The following CABIN1 variants were observed in gnomAD, a reference collection of about 807,000 sequenced individuals.
The protein encoded by CABIN1 is calcineurin-binding protein cabin-1.
In CABIN1, 133 loss-of-function variants were observed where a neutral mutation model predicts 227.7. That is an observed-to-expected ratio of 0.58 (90% confidence interval 0.51 to 0.67). The LOEUF (loss-of-function observed/expected upper bound fraction) is 0.67, where lower values mean the gene tolerates loss of function less well. CABIN1 is among the 30% of genes least tolerant of loss of function. The pLI is 0.00. For missense variants in CABIN1, 2,408 were observed against 2,852.5 expected, an observed-to-expected ratio of 0.84 and a Z score of 3.55; for synonymous variants, 1,086 against 1,155.1, an observed-to-expected ratio of 0.94 and a Z score of 1.21.
intron 27 of CABIN1, among the ~76,000 whole-genome samples, chr22:24,118,435 T>TGCCCCAGCAG (rs2043207940): frequency 6.6e-6 from 1 of 152,118 alleles, no homozygotes. Flanking sequence ...GACTCGGCCC[T>TGCCCCAGCAG]GCCCCAGCAG....
chr22:24,142,924 G>T (rs533371032), intron 29 of CABIN1, among the ~76,000 whole-genome samples: 3 of 152,104 alleles, frequency 2.0e-5, no homozygotes, highest in African/African-American at 7.2e-5. Context: ...CTCAGGACCA[G>T]TTGTGACCAA....
intron 1 of CABIN1, among the ~76,000 whole-genome samples, chr22:24,023,159 ATATGGCCTATTT>A (rs1234696413): frequency 6.6e-6 from 1 of 152,188 alleles, no homozygotes; most frequent in African/African-American, 2.4e-5. Flanking sequence ...GTACTTTTGT[ATATGGCCTATTT>A]TACTTAACAT....
intron 29 of CABIN1, among the ~76,000 whole-genome samples, chr22:24,158,732 G>A (rs565453512): frequency 2.0e-5 from 3 of 152,184 alleles, no homozygotes; most frequent in African/African-American, 7.2e-5. Context: ...TGCTCTCCTA[G>A]CCCATTACTT....
At chr22:24,084,499 C>G in intron 20 of CABIN1, 80 bp from the exon 21 acceptor site, 1 of 1,103,174 alleles carries the variant, frequency 9.1e-7, no homozygotes, top group Non-Finnish European at 1.4e-6. Flanking sequence ...GGACAAAGTG[C>G]GTTTCTATGG....
intron 29 of CABIN1, among the ~76,000 whole-genome samples, chr22:24,157,208 T>C (rs986937905): frequency 6.6e-6 from 1 of 152,152 alleles, no homozygotes; most frequent in African/African-American, 2.4e-5. Context: ...CAACCTGGCC[T>C]GCTTCTGGGG....
chr22:24,044,128 C>G (rs1297667078), intron 6 of CABIN1, among the ~76,000 whole-genome samples: 1 of 152,108 alleles, frequency 6.6e-6, no homozygotes, highest in Non-Finnish European at 1.5e-5. Flanking sequence ...GGCAAGGGCT[C>G]TACCCCTAAG....
rs754547522 is a variant in CABIN1 at position 24,067,068 on chromosome 22, G to A, written c.2119G>A (p.Ala707Thr). The A allele has an allele frequency of 4.3e-6, 7 of 1,614,190 alleles. No individual in the cohort carries two copies. The highest frequency in any genetic ancestry group is 5.9e-6 in the Non-Finnish European group (7 of 1,180,036). The change falls in exon 16 of 37, where the codon GCT (alanine) becomes ACT (threonine). Residue 707 changes from alanine (A) to threonine (T), a missense_variant. Physicochemically the swap from Ala to Thr is moderately conservative, Grantham distance 58. Around this residue, in one of 3 missense-constraint regions of CABIN1, gnomAD observed 1,045 missense variants for 1,168.4 expected, o/e 0.89. Transcript: ENST00000263119. ...QRLYEAGDYK[A>T]VVHLLRPTLC... ...GCTGTATGAAGCAGGCGACTACAAG[G>A]CTGTTGTGCATCTGCTCCGCCCCAC...
chr22:24,118,992 G>A (rs981499362), intron 27 of CABIN1, among the ~76,000 whole-genome samples: 2 of 152,252 alleles, frequency 1.3e-5, no homozygotes, highest in Admixed American at 1.3e-4. Flanking sequence ...TGTTTTATGC[G>A]ATGCTGGTGG....
chr22:24,100,543 C>CA (rs2147452613), intron 26 of CABIN1, among the ~76,000 whole-genome samples: 1 of 152,338 alleles, frequency 6.6e-6, no homozygotes, highest in Admixed American at 6.5e-5. Context: ...AGTTTCCACT[C>CA]AGCTTCTTGG....
Position 24,055,152 on chromosome 22 carries a change from T to C in CABIN1, c.1086T>C (p.Ala362=). ...LHSPGLLETG[A]PVGDISGGDK... Reference sequence around the variant, plus strand: ...GTCCTGGTCTGTTGGAGACAGGCGCTCCTGTGGGTAAGCAGGCCCCCTGAA... The same window carrying C: ...GTCCTGGTCTGTTGGAGACAGGCGCCCCTGTGGGTAAGCAGGCCCCCTGAA... Residue 362 remains alanine, a synonymous_variant, in exon 9 of 37, where the codon GCT becomes GCC. Transcript: ENST00000263119. 4 of 1,611,292 alleles carry C rather than the reference T, an allele frequency of 2.5e-6. No individual in the cohort carries two copies. Among genetic ancestry groups the C allele is most frequent in the Non-Finnish European group, 3.4e-6 (4 of 1,180,022 alleles).
chr22:24,025,395 G>A (rs971219246), intron 1 of CABIN1, among the ~76,000 whole-genome samples: 2 of 152,004 alleles, frequency 1.3e-5, no homozygotes, highest in African/African-American at 4.8e-5. Context: ...TGAAAACATC[G>A]ATAGCCTGAG....
At chr22:24,088,819 G>A (rs1016715624) in intron 23 of CABIN1, among the ~76,000 whole-genome samples, 1 of 152,150 alleles carries the variant, frequency 6.6e-6, no homozygotes, top group African/African-American at 2.4e-5. Context: ...CTATCACACT[G>A]TGTATGGTAC....
chr22:24,107,115 C>G (rs1389100649), intron 26 of CABIN1, among the ~76,000 whole-genome samples: 3 of 152,136 alleles, frequency 2.0e-5, no homozygotes, highest in African/African-American at 7.2e-5. Flanking sequence ...GCACCTCCCC[C>G]ACCTGCTTGC....
chr22:24,061,018 A>G (rs896553041), intron 12 of CABIN1, among the ~76,000 whole-genome samples: 2 of 152,214 alleles, frequency 1.3e-5, no homozygotes, highest in African/African-American at 4.8e-5. Flanking sequence ...CCTGGGCTCA[A>G]GTGATCCTGA....
In CABIN1 at chr22:24,037,301, G is replaced by A. The variant is rs117424627; in HGVS notation, c.97-1047G>A. ...AAAGAAAAGAAAACAATGGAAACCA[G>A]CTTTTGTTTGTTTATTTAAGAGATA... is the stretch of plus-strand genomic sequence containing the variant. On this transcript the variant is annotated intron_variant, in intron 3 of 36. Coordinates refer to ENST00000263119, the MANE Select transcript of CABIN1 (RefSeq NM_012295.4). Among the ~76,000 whole-genome samples, 1,339 of 149,926 alleles carry A rather than the reference G, an allele frequency of 8.9e-3. 58 individuals carry two copies. In the East Asian group the frequency reaches 0.14, roughly 15 times the overall value.
intron 29 of CABIN1, among the ~76,000 whole-genome samples, chr22:24,142,607 G>T (rs1303616110): frequency 6.6e-6 from 1 of 152,110 alleles, no homozygotes; most frequent in African/African-American, 2.4e-5. Context: ...GTGGGCCTGT[G>T]GTCAGCCCCT....
At position 24,063,042 on chromosome 22, in the gene CABIN1, C is replaced by T. The variant is rs2039311651; in HGVS notation, c.1780C>T (p.Leu594=). The change falls in exon 14 of 37, where the codon CTA becomes TTA. Residue 594 remains leucine (L), a synonymous_variant. Coordinates refer to ENST00000263119, the MANE Select transcript of CABIN1 (RefSeq NM_012295.4). ...FPGTHCLGDL[L]QLSFASSQRD... ...AGGGACCCACTGCCTGGGTGACCTC[C>T]TACAGCTGTCATTTGCCTCGTCCCA... 1.9e-6 allele frequency: 3 copies of T among 1,613,986 alleles called. No homozygotes were observed. The highest frequency in any genetic ancestry group is 2.5e-6 in the Non-Finnish European group (3 of 1,179,984).
intron 28 of CABIN1, among the ~76,000 whole-genome samples, chr22:24,126,792 A>C (rs1265271229): frequency 1.3e-5 from 2 of 152,196 alleles, no homozygotes; most frequent in Non-Finnish European, 2.9e-5. Context: ...TGAGGTCAGG[A>C]GTTTGAGACC....
chr22:24,011,661 G>C (rs777394509), intron 1 of CABIN1: 12 of 152,258 alleles, frequency 7.9e-5, no homozygotes, highest in Non-Finnish European at 1.6e-4. Context: ...CGTCTGCTGG[G>C]TGCAAAGCCC....
Sources: gnomAD v4.1 joint callset for allele counts (sites outside exome capture counted in the v4.1 genomes callset) on GRCh38, gnomAD v4.1.1 for gene constraint, gnomAD v4.1.1 regional missense constraint, MANE v1.5 for transcripts, NCBI Gene and HGNC (gene_info 2026-07-23, HGNC 2026-07-21) for gene names.